Variants in DLEU7 observed in about 807,000 individuals in gnomAD.
DLEU7 encodes deleted in lymphocytic leukemia 7.
A neutral mutation model predicts 16.0 loss-of-function variants in DLEU7; 17 were observed. The observed-to-expected ratio is 1.06, with a 90% CI of 0.73 to 1.59. DLEU7 has a LOEUF of 1.59. DLEU7 is among the 40% of genes most tolerant of loss of function. The probability of loss-of-function intolerance (pLI) is 0.00; values close to 1 mark genes in which losing one functional copy is unlikely to be tolerated. For synonymous variants in DLEU7, 113 were observed against 139.8 expected, an observed-to-expected ratio of 0.81 and a Z score of 1.35; for missense variants, 308 against 314.9, an observed-to-expected ratio of 0.98 and a Z score of 0.17.
At chr13:50,803,454 C>T (rs1876301726) in intron 1 of DLEU7, among the ~76,000 whole-genome samples, 1 of 152,014 alleles carries the variant, frequency 6.6e-6, no homozygotes, top group South Asian at 2.1e-4. Context: ...ATAAAATTAA[C>T]CCATTAAAGT....
intron 1 of DLEU7, among the ~76,000 whole-genome samples, chr13:50,781,573 G>T (rs187554131): frequency 6.6e-6 from 1 of 152,234 alleles, no homozygotes; most frequent in East Asian, 1.9e-4. Context: ...TCACTGCCTC[G>T]TGGATCTTCC....
chr13:50,764,385 C>T (rs1035450192), intron 1 of DLEU7, among the ~76,000 whole-genome samples: 1 of 152,176 alleles, frequency 6.6e-6, no homozygotes, highest in African/African-American at 2.4e-5. Flanking sequence ...CTTTTCTGAA[C>T]TGGTCTGAAG....
At chr13:50,838,532 T>C (rs1593418950) in intron 1 of DLEU7, among the ~76,000 whole-genome samples, 1 of 152,240 alleles carries the variant, frequency 6.6e-6, no homozygotes, top group South Asian at 2.1e-4. Context: ...TCCTGCACAC[T>C]TCTATGCTCC....
chr13:50,832,017 GTC>G lies in DLEU7; in HGVS notation c.460-8499_460-8498del, dbSNP rs540341435. On this transcript the variant is annotated intron_variant, in intron 1 of 1. Coordinates refer to ENST00000504404, the MANE Select transcript of DLEU7 (RefSeq NM_001306135.2). ...GGCCTCATAAAATGAGTTAGGAGGA[GTC>G]TCTCTTTTTCTACGATTTGGAATAG... Among the ~76,000 whole-genome samples, 30 of 152,272 alleles carry G rather than the reference GTC, an allele frequency of 2.0e-4. 2 individuals carry two copies. The South Asian group carries it at 6.2e-3, about 32-fold the overall frequency.
chr13:50,843,877 C>A, upstream of DLEU7: 1 of 527,954 alleles, frequency 1.9e-6, no homozygotes, highest in Non-Finnish European at 3.2e-6. This position sits in a 1 kb window ranked among gnomAD's most constrained non-coding sequence, Gnocchi z 5.7. Flanking sequence ...CTGCCTGAAG[C>A]GCTGCTCGGT....
intron 1 of DLEU7, among the ~76,000 whole-genome samples, chr13:50,723,932 T>A (rs1239947533): frequency 6.6e-6 from 1 of 152,026 alleles, no homozygotes; most frequent in African/African-American, 2.4e-5. Flanking sequence ...ATGAACAAAA[T>A]GCTGAATGGT....
At chr13:50,814,419 C>T (rs552743255) in intron 1 of DLEU7, among the ~76,000 whole-genome samples, 3 of 152,072 alleles carry the variant, frequency 2.0e-5, no homozygotes, top group East Asian at 1.9e-4. Flanking sequence ...GTTCCTGTGA[C>T]TAAGTTGAGT....
chr13:50,787,797 C>T (rs1457249552), intron 1 of DLEU7, among the ~76,000 whole-genome samples: 2 of 152,066 alleles, frequency 1.3e-5, no homozygotes, highest in Non-Finnish European at 2.9e-5. Context: ...CAGTTCCACC[C>T]CCATCTCCCC....
chr13:50,837,282 T>G (rs1027047467), intron 1 of DLEU7, among the ~76,000 whole-genome samples: 2 of 152,208 alleles, frequency 1.3e-5, no homozygotes, highest in Non-Finnish European at 2.9e-5. Flanking sequence ...GATTCAGGGA[T>G]GCTCACCAGG....
At chr13:50,771,843 T>C (rs58069910) in intron 1 of DLEU7, among the ~76,000 whole-genome samples, 2,053 of 152,312 alleles carry the variant, frequency 0.013, 42 homozygotes, top group African/African-American at 0.047. Flanking sequence ...CTCATTGATC[T>C]GTCTAATATT....
chr13:50,782,698 T>C (rs992557983), intron 1 of DLEU7, among the ~76,000 whole-genome samples: 3 of 151,468 alleles, frequency 2.0e-5, no homozygotes, highest in African/African-American at 7.3e-5. Context: ...ACCATATTCC[T>C]AGCATATTGC....
chr13:50,725,676 C>A (rs577686356), intron 1 of DLEU7, among the ~76,000 whole-genome samples: 5 of 152,122 alleles, frequency 3.3e-5, no homozygotes, highest in African/African-American at 1.2e-4. Flanking sequence ...TGGTCAGGAG[C>A]GGGGGCATGG....
intron 1 of DLEU7, among the ~76,000 whole-genome samples, chr13:50,806,301 C>T (rs796647572): frequency 4.1e-4 from 62 of 152,178 alleles, no homozygotes; most frequent in African/African-American, 1.4e-3. Context: ...AGATAATATT[C>T]CAAGAAATTA....
intron 1 of DLEU7, among the ~76,000 whole-genome samples, chr13:50,739,189 A>G (rs1170687947): frequency 1.3e-5 from 2 of 152,132 alleles, no homozygotes; most frequent in African/African-American, 2.4e-5. Context: ...CTGCTTTCTC[A>G]GTAAATTCTT....
intron 1 of DLEU7, among the ~76,000 whole-genome samples, chr13:50,810,219 C>A (rs1876526103): frequency 1.3e-5 from 2 of 149,492 alleles, no homozygotes; most frequent in Admixed American, 1.3e-4. Flanking sequence ...AAGCTAAATT[C>A]TCTTAAGAAT....
chr13:50,740,292 A>G (rs74081113), intron 1 of DLEU7, among the ~76,000 whole-genome samples: 5,976 of 152,256 alleles, frequency 0.039, 399 homozygotes, highest in African/African-American at 0.14. Flanking sequence ...AACATCTGGA[A>G]TCCTGTGGGC....
chr13:50,817,288 G>C (rs1350323008), intron 1 of DLEU7, among the ~76,000 whole-genome samples: 2 of 152,136 alleles, frequency 1.3e-5, no homozygotes, highest in Non-Finnish European at 2.9e-5. Context: ...TGCAAAAAGA[G>C]AAATTTATAA....
intron 1 of DLEU7, among the ~76,000 whole-genome samples, chr13:50,805,578 C>G (rs1876365155): frequency 6.6e-6 from 1 of 151,746 alleles, no homozygotes; most frequent in Admixed American, 6.6e-5. Context: ...ATCATATAAC[C>G]CTTTTAAATA....
intron 1 of DLEU7, among the ~76,000 whole-genome samples, chr13:50,730,817 A>G (rs932693803): frequency 3.9e-5 from 6 of 152,130 alleles, no homozygotes; most frequent in East Asian, 3.8e-4. Context: ...GATGGAGCAA[A>G]TGAAGGTGTG....
Sources: allele counts gnomAD v4.1 joint callset (sites outside exome capture counted in the v4.1 genomes callset), GRCh38; gene constraint gnomAD v4.1.1; non-coding constraint Gnocchi (gnomAD v3.1); transcripts MANE v1.5; gene names NCBI Gene and HGNC (gene_info 2026-07-23, HGNC 2026-07-21).